PREX1: variants seen among roughly 807,000 people sequenced by gnomAD.
PREX1 encodes phosphatidylinositol 3,4,5-trisphosphate-dependent Rac exchanger 1 protein.
In PREX1, 41 loss-of-function variants were observed where a neutral mutation model predicts 198.3. The ratio of observed to expected loss-of-function variants is 0.21; its 90% confidence interval spans 0.16 to 0.27. The LOEUF is 0.27. Among genes scored for constraint, PREX1 ranks in the 10% least tolerant of loss-of-function variants. The pLI, the probability that PREX1 is intolerant of heterozygous loss-of-function variation, is 1.00. For missense variants in PREX1, 1,620 were observed against 2,200.7 expected (o/e 0.74, Z 5.28); for synonymous variants, 843 against 887.2 (o/e 0.95, Z 0.89).
chr20:48,626,039 A>G (rs1036028026), intron 39 of PREX1, 112 bp from the exon 40 acceptor site: 1 of 1,179,574 alleles, frequency 8.5e-7, no homozygotes, highest in Non-Finnish European at 1.2e-6. Context: ...CCAAACTCAC[A>G]GGTATATAAA....
intron 1 of PREX1, among the ~76,000 whole-genome samples, chr20:48,751,454 T>C (rs4810872): frequency 0.35 from 53,787 of 151,998 alleles, 10,402 homozygotes; most frequent in Non-Finnish European, 0.43. Context: ...GGCCACCCAC[T>C]GAGGAACTGC....
chr20:48,690,783 G>C (rs571495032), intron 9 of PREX1, among the ~76,000 whole-genome samples, 164 bp downstream of exon 9: 1 of 152,296 alleles, frequency 6.6e-6, no homozygotes, highest in East Asian at 1.9e-4. Flanking sequence ...GTACCACCAA[G>C]TTGGAATAGT....
intron 3 of PREX1, among the ~76,000 whole-genome samples, chr20:48,743,426 G>C (rs1029467045): frequency 3.3e-5 from 5 of 152,098 alleles, no homozygotes; most frequent in Non-Finnish European, 7.3e-5. Flanking sequence ...TAACCTCTTA[G>C]ATGTCTCCCG....
chr20:48,703,483 C>A (rs182598899), intron 6 of PREX1, among the ~76,000 whole-genome samples: 5 of 152,168 alleles, frequency 3.3e-5, no homozygotes, highest in Non-Finnish European at 1.5e-5. Flanking sequence ...AGCATCCTCG[C>A]GAACTCCCTG....
chr20:48,708,490 G>A, intron 5 of PREX1, 69 bp from the exon 6 acceptor site: 1 of 1,526,710 alleles, frequency 6.6e-7, no homozygotes, highest in Non-Finnish European at 9.0e-7. Context: ...CCAGGCCAGA[G>A]CTGAACCCAA....
chr20:48,857,060 A>G, the PREX1 span, among the ~76,000 whole-genome samples: 10 of 152,164 alleles, frequency 6.6e-5, no homozygotes, highest in African/African-American at 2.2e-4. Context: ...GCTGGTCTCG[A>G]ACTCCCAACG....
chr20:48,872,096 TTGCAGTGAGCCGAGATCA>T, the PREX1 span, among the ~76,000 whole-genome samples: 26,432 of 150,688 alleles, frequency 0.18, 2,392 homozygotes, highest in Non-Finnish European at 0.19. Context: ...GAGACGGAGC[TTGCAGTGAGCCGAGATCA>T]TGCCACTGCA....
Position 48,734,587 on chromosome 20 carries a change from C to A in PREX1, c.478G>T (p.Val160Leu). Residue 160 changes from valine to leucine, a missense_variant, in exon 4 of 40, where the codon GTG (valine) becomes TTG (leucine). Around this residue, in one of 7 missense-constraint regions of PREX1, gnomAD observed 488 missense variants for 802.5 expected, o/e 0.61. Coordinates refer to ENST00000371941, the MANE Select transcript of PREX1 (RefSeq NM_020820.4). ...SNHEKALRLL[V>L]ELNKIPTVRA... ...ACGGTAGGGATCTTGTTCAGCTCCACCAGCAGCCTCAGGGCTTTCTCATGG... is the reference window on the plus strand; with the variant it reads ...ACGGTAGGGATCTTGTTCAGCTCCAACAGCAGCCTCAGGGCTTTCTCATGG... 1 of 1,614,188 alleles carries A rather than the reference C, an allele frequency of 6.2e-7. No homozygotes were observed. The highest frequency in any genetic ancestry group is 8.5e-7 in the Non-Finnish European group (1 of 1,180,012).
chr20:48,734,399 G>A lies in PREX1; in HGVS notation c.519+147C>T, dbSNP rs2090047814. The A allele has an allele frequency of 4.1e-6, 3 of 726,044 alleles. No individual in the cohort carries two copies. In the Admixed American group the frequency reaches 6.8e-5, roughly 16 times the overall value. 45.0% of individuals were successfully genotyped at this position (726,044 alleles called of 1,614,324 possible). On this transcript the variant is annotated intron_variant, in intron 4 of 39. Coordinates refer to ENST00000371941, the MANE Select transcript of PREX1 (RefSeq NM_020820.4). Reference sequence around the variant, plus strand: ...CCCCAGCTGGCCCTTTATGGAAAAGGCTTGGCGATCCCTGCTTTAGGCAGG... The same window carrying A: ...CCCCAGCTGGCCCTTTATGGAAAAGACTTGGCGATCCCTGCTTTAGGCAGG...
chr20:48,799,332 T>C (rs916752980), intron 1 of PREX1, among the ~76,000 whole-genome samples: 4 of 152,148 alleles, frequency 2.6e-5, no homozygotes, highest in African/African-American at 9.7e-5. Context: ...AGTCCCCAAG[T>C]GAGATCCCCA....
chr20:48,818,666 A>C (rs2123068729), intron 1 of PREX1, among the ~76,000 whole-genome samples: 1 of 152,356 alleles, frequency 6.6e-6, no homozygotes. Flanking sequence ...CACAGGGCAG[A>C]GGTGAGAGCT....
chr20:48,693,098 G>C lies in PREX1; in HGVS notation c.918-308C>G, dbSNP rs147775754. Among the ~76,000 whole-genome samples the C allele has an allele frequency of 1.1e-3, 161 of 152,338 alleles. 1 individual carries two copies. Among genetic ancestry groups the C allele is most frequent in the African/African-American group, 3.7e-3 (152 of 41,578 alleles). On this transcript the variant is annotated intron_variant, in intron 7 of 39. Coordinates refer to ENST00000371941, the MANE Select transcript of PREX1 (RefSeq NM_020820.4). ...AACAGAAACCCATTCTTCTTGGCTA[G>C]AAAATGAGGAAAGACCTGTTAAGTT...
intron 18 of PREX1, 81 bp from the exon 19 acceptor site, chr20:48,655,456 G>C (rs2089535797): frequency 8.2e-7 from 1 of 1,216,694 alleles, no homozygotes; most frequent in Admixed American, 3.4e-5. Flanking sequence ...CCAACCCAGA[G>C]ACTTTCTGCC....
At chr20:48,767,124 C>T (rs189552607) in intron 1 of PREX1, among the ~76,000 whole-genome samples, 2 of 152,306 alleles carry the variant, frequency 1.3e-5, no homozygotes, top group Non-Finnish European at 2.9e-5. Flanking sequence ...GTCCGCGAAA[C>T]GGGGAACAGT....
In PREX1 at chr20:48,639,919, G is replaced by A. The variant is rs201534185; in HGVS notation, c.3776-25C>T. On this transcript the variant is annotated intron_variant, in intron 29 of 39. Transcript: ENST00000371941. ...TCTGGGGCAGGAAAGTGGCATGAGGGCCAGGGAAGGGACGGAGGTAGTGTT... is the reference window on the plus strand; with the variant it reads ...TCTGGGGCAGGAAAGTGGCATGAGGACCAGGGAAGGGACGGAGGTAGTGTT... 241 of 1,612,288 alleles carry A rather than the reference G, an allele frequency of 1.5e-4. 1 individual carries two copies. Among genetic ancestry groups the A allele is most frequent in the East Asian group, 2.0e-4 (9 of 44,880 alleles).
At chr20:48,715,634 T>C (rs73911645) in intron 5 of PREX1, among the ~76,000 whole-genome samples, 1,772 of 152,286 alleles carry the variant, frequency 0.012, 33 homozygotes, top group African/African-American at 0.041. Context: ...AATGGGGTGA[T>C]GAATGTAAAA....
intron 22 of PREX1, 51 bp from the exon 23 acceptor site, chr20:48,651,106 T>C (rs1232119650): frequency 1.9e-6 from 3 of 1,597,690 alleles, no homozygotes; most frequent in Non-Finnish European, 2.6e-6. Context: ...CGGGAAGATT[T>C]TAAGCGGTTC....
At chr20:48,741,614 G>A (rs1013990272) in intron 3 of PREX1, among the ~76,000 whole-genome samples, 5 of 152,210 alleles carry the variant, frequency 3.3e-5, no homozygotes, top group Admixed American at 6.5e-5. Flanking sequence ...GGGAGAGACA[G>A]ACAATAAGCA....
intron 1 of PREX1, among the ~76,000 whole-genome samples, chr20:48,819,915 C>T (rs2090476800): frequency 6.6e-6 from 1 of 152,214 alleles, no homozygotes; most frequent in Non-Finnish European, 1.5e-5. Context: ...CCTCGCTCCT[C>T]CTGAGAGATG....
Sources: gnomAD v4.1 joint callset for allele counts (sites outside exome capture counted in the v4.1 genomes callset) on GRCh38, gnomAD v4.1.1 for gene constraint, gnomAD v4.1.1 regional missense constraint, MANE v1.5 for transcripts, NCBI Gene and HGNC (gene_info 2026-07-23, HGNC 2026-07-21) for gene names.